Variants in PRMT8 observed in about 807,000 individuals in gnomAD.
The protein encoded by PRMT8 is protein arginine N-methyltransferase 8.
Under a neutral mutation model 47.1 loss-of-function variants are expected in PRMT8, and 7 were observed. The observed-to-expected ratio is 0.15, with a 90% CI of 0.08 to 0.28. The LOEUF (loss-of-function observed/expected upper bound fraction) is 0.28. Among genes scored for constraint, PRMT8 ranks in the 10% least tolerant of loss-of-function variants. The pLI is 1.00. For missense variants in PRMT8, 237 were observed against 505.4 expected (o/e 0.47, Z 5.09); for synonymous variants, 188 against 186.5 (o/e 1.01, Z -0.07).
At position 3,491,436 on chromosome 12, in the gene PRMT8, G is replaced by A. The variant is rs1565421275; in HGVS notation, c.-190G>A. ...AAGGAATCCGGAGCAGATGAGAAGG[G>A]AGGAAAATAAAAGAAAGTGGAGACT... is the stretch of plus-strand genomic sequence containing the variant. On this transcript the variant is annotated 5_prime_UTR_variant, in exon 1 of 10. Coordinates refer to ENST00000382622, the MANE Select transcript of PRMT8 (RefSeq NM_019854.5). The A allele has an allele frequency of 2.2e-6, 3 of 1,380,690 alleles. No homozygotes were observed. Among genetic ancestry groups the A allele is most frequent in the African/African-American group, 2.9e-5 (2 of 68,990 alleles). 85.5% of individuals were successfully genotyped at this position (1,380,690 alleles called of 1,614,324 possible). A position where few individuals can be genotyped will look rare whatever the true frequency, so the allele number is the denominator to read the frequency against.
rs917499097 is a variant in PRMT8, at chr12:3,409,439, T to G, written c.48+27997T>G. Among the ~76,000 whole-genome samples, 1 of 152,090 alleles carries G rather than the reference T, an allele frequency of 6.6e-6. No individual in the cohort carries two copies. Among genetic ancestry groups the G allele is most frequent in the African/African-American group, 2.4e-5 (1 of 41,414 alleles). On this transcript the variant is annotated intron_variant, in intron 1 of 9. Coordinates refer to the PRMT8 transcript ENST00000452611. This position sits in a 1 kb window ranked among gnomAD's most constrained non-coding sequence, Gnocchi z 4.4. Reference sequence around the variant, plus strand: ...TGGGATGGTGGGACATGCCAGTATCTGAGGCTCGGCAAGATAGCAAGGACC... The same window carrying G: ...TGGGATGGTGGGACATGCCAGTATCGGAGGCTCGGCAAGATAGCAAGGACC...
intron 1 of PRMT8, among the ~76,000 whole-genome samples, chr12:3,404,698 T>C (rs529180937): frequency 1.3e-5 from 2 of 152,218 alleles, no homozygotes; most frequent in African/African-American, 2.4e-5. Flanking sequence ...CCTTTCCTTA[T>C]TGATTTTATT....
rs1214436676 is a variant in PRMT8, at chr12:3,453,010, A to G, written c.48+71568A>G. Among the ~76,000 whole-genome samples, 4 of 152,212 alleles carry G rather than the reference A, an allele frequency of 2.6e-5. No homozygotes were observed. Among genetic ancestry groups the G allele is most frequent in the African/African-American group, 9.7e-5 (4 of 41,448 alleles). On this transcript the variant is annotated intron_variant, in intron 1 of 9. Coordinates refer to the PRMT8 transcript ENST00000452611. The surrounding 1 kb of genome is among the most constrained non-coding windows in gnomAD (Gnocchi z 4.9). ...ACAAAGAAAACATTCCTGCCTATTCAGAGCTTACAGCCTAAGAGGGGAGGG... is the reference window on the plus strand; with the variant it reads ...ACAAAGAAAACATTCCTGCCTATTCGGAGCTTACAGCCTAAGAGGGGAGGG...
At chr12:3,479,367 T>C (rs1298759503) in intron 1 of PRMT8, among the ~76,000 whole-genome samples, 1 of 152,196 alleles carries the variant, frequency 6.6e-6, no homozygotes, top group African/African-American at 2.4e-5. Flanking sequence ...GCTCTCCAGA[T>C]AGGAAGGAGA....
At chr12:3,553,422 G>A (rs1866463143) in intron 3 of PRMT8, 2 of 596,828 alleles carry the variant, frequency 3.4e-6, no homozygotes. Flanking sequence ...CATCACGGGT[G>A]GTGACTAGAC....
chr12:3,512,825 G>T (rs1349907629), intron 1 of PRMT8, among the ~76,000 whole-genome samples: 3 of 152,224 alleles, frequency 2.0e-5, no homozygotes, highest in Admixed American at 6.5e-5. Flanking sequence ...GAGATTGCCT[G>T]CTCAGGGGAG....
At chr12:3,460,879 A>G (rs1006302157) in intron 1 of PRMT8, among the ~76,000 whole-genome samples, 3 of 152,168 alleles carry the variant, frequency 2.0e-5, no homozygotes, top group Non-Finnish European at 4.4e-5. Flanking sequence ...TGATTAGATG[A>G]CCAGTCTTGA....
At position 3,538,669 on chromosome 12, in the gene PRMT8, G is replaced by A. The variant is rs538726609; in HGVS notation, c.76-1937G>A. On this transcript the variant is annotated intron_variant, in intron 1 of 9. Transcript: ENST00000382622. The surrounding 1 kb of genome is among the most constrained non-coding windows in gnomAD (Gnocchi z 4.6). ...ACATATTTAAATGGAGTCGATATTG[G>A]GGTCAGCTTCATGCACGGAGCCTTC... 1.9e-6 allele frequency: 1 copy of A among 518,988 alleles called. No individual in the cohort carries two copies. Among genetic ancestry groups the A allele is most frequent in the East Asian group, 5.4e-5 (1 of 18,354 alleles). The allele number at this position is 518,988 out of a possible 1,614,324, so 32.1% of individuals were successfully genotyped here.
intron 1 of PRMT8, among the ~76,000 whole-genome samples, chr12:3,404,652 A>G (rs1191785177): frequency 6.6e-6 from 1 of 152,200 alleles, no homozygotes; most frequent in East Asian, 1.9e-4. Flanking sequence ...ACATTTGCCA[A>G]TTAGTTCAAT....
chr12:3,485,971 A>C, intron 1 of PRMT8, among the ~76,000 whole-genome samples: 1 of 152,038 alleles, frequency 6.6e-6, no homozygotes, highest in East Asian at 1.9e-4. Context: ...ACCTCCACTC[A>C]TTATGCGTTT....
chr12:3,561,167 C>T lies in PRMT8; in HGVS notation c.481+7453C>T, dbSNP rs146773045. On this transcript the variant is annotated intron_variant, in intron 4 of 9. Transcript: ENST00000382622. ...GGAGGGCAGTGGTTGGAACATTCTC[C>T]TCTGGCCATGTTTTAGCAGCTCTTT... Among the ~76,000 whole-genome samples the T allele has an allele frequency of 7.5e-3, 1,148 of 152,314 alleles. 8 individuals carry two copies. Among genetic ancestry groups the T allele is most frequent in the Middle Eastern group, 0.031 (9 of 294 alleles).
chr12:3,536,050 A>G (rs947121615), intron 1 of PRMT8, among the ~76,000 whole-genome samples: 1 of 152,174 alleles, frequency 6.6e-6, no homozygotes, highest in African/African-American at 2.4e-5. Context: ...TTGGAGATGC[A>G]TCTGGATTCC....
At chr12:3,405,599 A>T (rs1292364145) in intron 1 of PRMT8, among the ~76,000 whole-genome samples, 1 of 152,224 alleles carries the variant, frequency 6.6e-6, no homozygotes, top group Admixed American at 6.5e-5. Context: ...CTTTGGGTAA[A>T]TTCACCTGTT....
At chr12:3,459,783 T>C (rs1220931156) in intron 1 of PRMT8, among the ~76,000 whole-genome samples, 1 of 151,972 alleles carries the variant, frequency 6.6e-6, no homozygotes, top group Non-Finnish European at 1.5e-5. Flanking sequence ...TCTTCCAAGG[T>C]GGGAGCAGAA....
intron 1 of PRMT8, among the ~76,000 whole-genome samples, chr12:3,524,568 A>G (rs998153171): frequency 2.0e-5 from 3 of 151,854 alleles, no homozygotes; most frequent in Middle Eastern, 3.2e-3. Flanking sequence ...TCATAAATCA[A>G]ATACTTGAAG....
At chr12:3,577,834 C>G (rs1056035966) in intron 7 of PRMT8, among the ~76,000 whole-genome samples, 2 of 152,156 alleles carry the variant, frequency 1.3e-5, no homozygotes, top group Non-Finnish European at 2.9e-5. Context: ...AGATGAAGAA[C>G]AGCTGCTCAG....
At chr12:3,586,314 G>A (rs1418552738) in intron 8 of PRMT8, among the ~76,000 whole-genome samples, 2 of 152,170 alleles carry the variant, frequency 1.3e-5, no homozygotes, top group African/African-American at 4.8e-5. Context: ...TGCCCTGAGT[G>A]TTGAAGGCTC....
intron 3 of PRMT8, chr12:3,553,259 T>A: frequency 3.8e-6 from 1 of 262,424 alleles, no homozygotes; most frequent in South Asian, 5.8e-5. Flanking sequence ...GTGGGGAGGA[T>A]CATGTCGAGG....
chr12:3,456,737 G>T lies in PRMT8; in HGVS notation c.48+75295G>T, dbSNP rs1023542489. Reference sequence around the variant, plus strand: ...GAGGAACCCGTGAGAAGGGGCCAACGCCCGGAGCAGCCACCGTTTCTTACA... The same window carrying T: ...GAGGAACCCGTGAGAAGGGGCCAACTCCCGGAGCAGCCACCGTTTCTTACA... On this transcript the variant is annotated intron_variant, in intron 1 of 9. Coordinates refer to the PRMT8 transcript ENST00000452611. The surrounding 1 kb of genome is among the most constrained non-coding windows in gnomAD (Gnocchi z 4.2). 2.6e-5 allele frequency among the ~76,000 whole-genome samples: 4 copies of T among 152,100 alleles called. No homozygotes were observed. Among genetic ancestry groups the T allele is most frequent in the Admixed American group, 2.0e-4 (3 of 15,280 alleles).
Sources: gnomAD v4.1 joint callset for allele counts (sites outside exome capture counted in the v4.1 genomes callset) on GRCh38, gnomAD v4.1.1 for gene constraint, Gnocchi (gnomAD v3.1) non-coding constraint, MANE v1.5 for transcripts, NCBI Gene and HGNC (gene_info 2026-07-23, HGNC 2026-07-21) for gene names.